Variants in IARS1 observed in about 807,000 individuals in gnomAD.
IARS1 encodes isoleucyl-tRNA synthetase 1, also known as isoleucine--tRNA ligase, cytoplasmic.
A neutral mutation model predicts 168.2 loss-of-function variants in IARS1; 124 were observed. The observed-to-expected ratio is 0.74, with a 90% CI of 0.64 to 0.86. The LOEUF is 0.86. Ranked by LOEUF, IARS1 falls within the 40% of genes least tolerant of loss-of-function variation. The pLI is 0.00. For missense variants in IARS1, 1,452 were observed against 1,515.8 expected, an observed-to-expected ratio of 0.96 and a Z score of 0.70; for synonymous variants, 532 against 529.4, an observed-to-expected ratio of 1.00 and a Z score of -0.07.
At chr9:92,251,969 A>C (rs1830063114) in intron 21 of IARS1, 84 bp from the exon 22 acceptor site, 1 of 968,394 alleles carries the variant, frequency 1.0e-6, no homozygotes, top group East Asian at 2.6e-5. Flanking sequence ...AAAAGAGGCA[A>C]TCTTCAAAGA....
intron 28 of IARS1, 194 bp downstream of exon 28, chr9:92,243,022 C>T (rs10125474): frequency 0.34 from 163,123 of 485,986 alleles, 31,273 homozygotes; most frequent in African/African-American, 0.64. Context: ...CTGAAAGCTA[C>T]GACTTGGGAG....
At chr9:92,268,105 C>T (rs1832538964) in intron 14 of IARS1, 69 bp downstream of exon 14, 2 of 1,479,560 alleles carry the variant, frequency 1.4e-6, no homozygotes, top group African/African-American at 1.4e-5. Context: ...TTCTTTTAAA[C>T]CACATTCAGA....
intron 4 of IARS1, 80 bp downstream of exon 4, chr9:92,287,711 C>A (rs1835667677): frequency 3.5e-6 from 5 of 1,425,684 alleles, no homozygotes; most frequent in Admixed American, 4.9e-5. Flanking sequence ...ATAAAAAAAG[C>A]ACAAGGGACC....
At chr9:92,231,122 T>C (rs554724479) in intron 30 of IARS1, among the ~76,000 whole-genome samples, 1 of 152,346 alleles carries the variant, frequency 6.6e-6, no homozygotes, top group South Asian at 2.1e-4. Flanking sequence ...TTAAGGACAG[T>C]GTTTTGTGTC....
At chr9:92,231,439 G>A (rs1182594932) in intron 30 of IARS1, among the ~76,000 whole-genome samples, 1 of 147,924 alleles carries the variant, frequency 6.8e-6, no homozygotes, top group Non-Finnish European at 1.5e-5. Context: ...TTGAGACGGA[G>A]TTTTGCTCTT....
intron 30 of IARS1, among the ~76,000 whole-genome samples, chr9:92,238,393 T>C (rs1827872221): frequency 6.6e-6 from 1 of 152,182 alleles, no homozygotes; most frequent in South Asian, 2.1e-4. Flanking sequence ...ATGAGTGAGT[T>C]CTCACTCTGT....
At chr9:92,233,494 T>C (rs1294473138) in intron 30 of IARS1, among the ~76,000 whole-genome samples, 1 of 152,254 alleles carries the variant, frequency 6.6e-6, no homozygotes, top group Non-Finnish European at 1.5e-5. Context: ...GTTTCTGATG[T>C]TAAGATCACA....
At chr9:92,262,567 A>G (rs1831675229) in intron 17 of IARS1, among the ~76,000 whole-genome samples, 1 of 152,180 alleles carries the variant, frequency 6.6e-6, no homozygotes, top group Non-Finnish European at 1.5e-5. Flanking sequence ...GGTCAAGCCC[A>G]GTGTGGCTGT....
chr9:92,243,973 A>G (rs908606844), intron 27 of IARS1, among the ~76,000 whole-genome samples: 2 of 152,218 alleles, frequency 1.3e-5, no homozygotes, highest in Non-Finnish European at 2.9e-5. Context: ...AGACTTGTAC[A>G]TTAGGCATCA....
chr9:92,271,736 T>C, intron 10 of IARS1, 81 bp from the exon 11 acceptor site: 1 of 1,410,790 alleles, frequency 7.1e-7, no homozygotes, highest in Non-Finnish European at 1.0e-6. Flanking sequence ...CCCAAGATAA[T>C]TGTTCTATAT....
chr9:92,284,162 GC>G (rs1454825162), intron 6 of IARS1, among the ~76,000 whole-genome samples: 1 of 152,146 alleles, frequency 6.6e-6, no homozygotes, highest in Non-Finnish European at 1.5e-5. Flanking sequence ...GGGTGACATA[GC>G]GAGATCCTAT....
chr9:92,289,206 CAAAAAA>C (rs11438082), intron 2 of IARS1, 89 bp downstream of exon 2: 54 of 327,344 alleles, frequency 1.6e-4, no homozygotes, highest in East Asian at 3.7e-4. Context: ...GACTCCATCT[CAAAAAA>C]AAAAAAAAAA....
intron 27 of IARS1, among the ~76,000 whole-genome samples, chr9:92,243,845 T>C (rs1327641343): frequency 2.0e-5 from 3 of 152,224 alleles, no homozygotes; most frequent in Admixed American, 6.5e-5. Context: ...TGCCATATTT[T>C]TGCTAAGGTT....
intron 23 of IARS1, 48 bp downstream of exon 23, chr9:92,250,665 C>T (rs371528117): frequency 2.0e-4 from 308 of 1,504,214 alleles, no homozygotes; most frequent in Non-Finnish European, 2.7e-4. Flanking sequence ...GCTTGAGCAA[C>T]TCTCCCCTCC....
chr9:92,237,734 C>G (rs892412966), intron 30 of IARS1, among the ~76,000 whole-genome samples: 1 of 152,138 alleles, frequency 6.6e-6, no homozygotes, highest in Non-Finnish European at 1.5e-5. Flanking sequence ...GCTCTGAAGT[C>G]TGTTTCATCT....
intron 2 of IARS1, 25 bp downstream of exon 2, chr9:92,289,276 A>C: frequency 1.1e-6 from 1 of 911,510 alleles, no homozygotes; most frequent in Non-Finnish European, 1.8e-6. Context: ...TTCTTAAGGG[A>C]ACTTAACCTA....
intron 30 of IARS1, among the ~76,000 whole-genome samples, chr9:92,234,954 C>T (rs1165904973): frequency 1.3e-5 from 2 of 152,012 alleles, no homozygotes; most frequent in African/African-American, 2.4e-5. Context: ...AGTGATTCTC[C>T]TGCCTCAGCC....
intron 25 of IARS1, among the ~76,000 whole-genome samples, chr9:92,247,856 G>T (rs540041745): frequency 1.1e-4 from 17 of 152,292 alleles, no homozygotes; most frequent in African/African-American, 4.1e-4. Flanking sequence ...GTCCAGAGAA[G>T]GCAAATCCAG....
At chr9:92,269,049 C>A (rs72750449) in intron 13 of IARS1, among the ~76,000 whole-genome samples, 4,654 of 152,152 alleles carry the variant, frequency 0.031, 112 homozygotes, top group South Asian at 0.079. Context: ...TGCACCCCCT[C>A]GAGGCTATCT....
Sources: allele counts gnomAD v4.1 joint callset (sites outside exome capture counted in the v4.1 genomes callset), GRCh38; gene constraint gnomAD v4.1.1; transcripts MANE v1.5; gene names NCBI Gene and HGNC (gene_info 2026-07-23, HGNC 2026-07-21).